SMAD6: variants seen among roughly 807,000 people sequenced by gnomAD.
SMAD6 encodes the protein MAD homolog 6.
SMAD6 carries 103 observed loss-of-function variants against 39.4 expected under a neutral mutation model. The ratio of observed to expected loss-of-function variants is 2.62; its 90% confidence interval spans 2.23 to 3.08. The LOEUF is 3.08. SMAD6 is among the 30% of genes most tolerant of loss of function. The pLI, the probability that SMAD6 is intolerant of heterozygous loss-of-function variation, is 0.00. For missense variants in SMAD6, 1,104 were observed against 742.9 expected, an observed-to-expected ratio of 1.49 and a Z score of -5.65; for synonymous variants, 445 against 353.3, an observed-to-expected ratio of 1.26 and a Z score of -2.91.
At chr15:66,709,816 G>A (rs1295899170) in intron 1 of SMAD6, among the ~76,000 whole-genome samples, 1 of 152,186 alleles carries the variant, frequency 6.6e-6, no homozygotes, top group African/African-American at 2.4e-5. Context: ...CTCTTTTCCT[G>A]TGGAACTCCA....
rs1894577035 is a variant in SMAD6 at position 66,781,522 on chromosome 15, A to G, written c.1478A>G (p.Asn493Ser). ...CCCTGCTGGCTGGAGATCCTCCTCA[A>G]CAACCCCAGATAGTGGCGGCCCCGG... ...SCPCWLEILL[N>S]NPR Residue 493 changes from asparagine to serine, a missense_variant, in exon 4 of 4, where the codon AAC becomes AGC. Transcript: ENST00000288840. 7.0e-7 allele frequency: 1 copy of G among 1,435,150 alleles called. No individual in the cohort carries two copies. Among genetic ancestry groups the G allele is most frequent in the South Asian group, 1.2e-5 (1 of 83,590 alleles). The allele number at this position is 1,435,150 out of a possible 1,614,324, so 88.9% of individuals were successfully genotyped here.
chr15:66,716,870 C>G, intron 3 of SMAD6: 1 of 669,994 alleles, frequency 1.5e-6, no homozygotes, highest in South Asian at 1.7e-5. Flanking sequence ...TTGTCTTCCT[C>G]CTGTCCTCAC....
Position 66,703,621 on chromosome 15 carries a change from C to A in SMAD6, c.363C>A (p.Cys121Ter), listed in dbSNP as rs1259610693. 4.1e-6 allele frequency: 5 copies of A among 1,230,806 alleles called. No homozygotes were observed. The highest frequency in any genetic ancestry group is 3.3e-5 in the East Asian group (1 of 30,134). 76.2% of individuals were successfully genotyped at this position (1,230,806 alleles called of 1,614,324 possible). A position where few individuals can be genotyped will look rare whatever the true frequency, so the allele number is the denominator to read the frequency against. ...CGGGCTGGCTGCCCGAGAGTGACTG[C>A]GAGACGGTGACCTGCTGTCTCTTTT... ...GGPGWLPESD[C>*]ETVTCCLFSE... The change falls in exon 1 of 4, where the codon TGC becomes TGA. Residue 121 changes from cysteine to a stop codon, truncating the protein, a stop_gained. Transcript: ENST00000288840. LOFTEE classifies it high-confidence loss of function.
chr15:66,703,938 G>GCCGCCTCTTTCGCTGGCCCGA lies in SMAD6; in HGVS notation c.683_703dup (p.Arg228_Asp234dup). The GCCGCCTCTTTCGCTGGCCCGA allele has an allele frequency of 7.2e-7, 1 of 1,379,924 alleles. No homozygotes were observed. The highest frequency in any genetic ancestry group is 9.4e-7 in the Non-Finnish European group (1 of 1,064,912). 85.5% of individuals were successfully genotyped at this position (1,379,924 alleles called of 1,614,324 possible). On this transcript the variant is annotated inframe_insertion, in exon 1 of 4. Transcript: ENST00000288840. ...CCCGCGCCGCCGCAGCTGCTGCTCG[G>GCCGCCTCTTTCGCTGGCCCGA]CCGCCTCTTTCGCTGGCCCGACCTG...
Position 66,703,161 on chromosome 15 carries a change from T to TG in SMAD6, c.-94dup. 1 of 889,794 alleles carries TG rather than the reference T, an allele frequency of 1.1e-6. No individual in the cohort carries two copies. Among genetic ancestry groups the TG allele is most frequent in the Non-Finnish European group, 1.5e-6 (1 of 647,170 alleles). 55.1% of individuals were successfully genotyped at this position (889,794 alleles called of 1,614,324 possible). A position where few individuals can be genotyped will look rare whatever the true frequency, so the allele number is the denominator to read the frequency against. Reference sequence around the variant, plus strand: ...CGGCGCTCCGCGGCGGAGCTTCATGTGGGGCTGCGACCCGCGCAGCCGGCG... The same window carrying TG: ...CGGCGCTCCGCGGCGGAGCTTCATGTGGGGGCTGCGACCCGCGCAGCCGGCG... On this transcript the variant is annotated 5_prime_UTR_variant, in exon 1 of 4. The change abolishes the stop of an existing upstream ORF in the 5' untranslated region. Coordinates refer to ENST00000288840, the MANE Select transcript of SMAD6 (RefSeq NM_005585.5).
At chr15:66,707,265 T>G (rs1474433894) in intron 1 of SMAD6, 1 of 149,448 alleles carries the variant, frequency 6.7e-6, no homozygotes, top group South Asian at 2.1e-4. Context: ...TCTCCTGCTC[T>G]TTGCTTCCCC....
intron 3 of SMAD6, among the ~76,000 whole-genome samples, chr15:66,748,970 G>A (rs1476136611): frequency 2.6e-5 from 4 of 152,106 alleles, no homozygotes; most frequent in Non-Finnish European, 5.9e-5. Context: ...ACACATGCCC[G>A]GTGCCCAGTC....
intron 3 of SMAD6, among the ~76,000 whole-genome samples, chr15:66,766,060 C>T (rs1346477844): frequency 1.3e-5 from 2 of 152,148 alleles, no homozygotes; most frequent in East Asian, 1.9e-4. Context: ...TTTGACTTTG[C>T]CTGTGGCTAA....
rs772544843 is a variant in SMAD6 at position 66,711,745 on chromosome 15, A to G, written c.874+21A>G. The stretch of plus-strand genomic sequence containing the variant: ...ACTGGGTAAGTGTGCCCTCCTTCCT[A>G]CCCTTGCAGAGGTGTGTCCCGAACT... On this transcript the variant is annotated intron_variant, in intron 2 of 3. Coordinates refer to ENST00000288840, the MANE Select transcript of SMAD6 (RefSeq NM_005585.5). The G allele has an allele frequency of 1.9e-6, 3 of 1,600,014 alleles. No homozygotes were observed. In the East Asian group the frequency reaches 6.7e-5, roughly 36 times the overall value.
At chr15:66,759,031 A>G (rs886799505) in intron 3 of SMAD6, among the ~76,000 whole-genome samples, 3 of 152,218 alleles carry the variant, frequency 2.0e-5, no homozygotes, top group Non-Finnish European at 4.4e-5. Flanking sequence ...CAACAATTCA[A>G]CTCTGCCACT....
chr15:66,719,654 T>G (rs1157467317), intron 3 of SMAD6, among the ~76,000 whole-genome samples: 1 of 152,168 alleles, frequency 6.6e-6, no homozygotes, highest in Non-Finnish European at 1.5e-5. Context: ...TGGTCTCTGC[T>G]TTACTTCCCT....
intron 1 of SMAD6, among the ~76,000 whole-genome samples, chr15:66,709,818 G>A (rs1428743511): frequency 1.3e-5 from 2 of 152,148 alleles, no homozygotes; most frequent in Non-Finnish European, 2.9e-5. Context: ...CTTTTCCTGT[G>A]GAACTCCAGC....
At chr15:66,704,131 G>A in intron 1 of SMAD6, 56 bp downstream of exon 1, 2 of 1,288,552 alleles carry the variant, frequency 1.6e-6, no homozygotes, top group Admixed American at 3.7e-5. Context: ...ATCCCCTTCC[G>A]TGCCCTTCTC....
chr15:66,731,290 T>A (rs1292553624), intron 3 of SMAD6, among the ~76,000 whole-genome samples: 3 of 151,228 alleles, frequency 2.0e-5, no homozygotes, highest in Non-Finnish European at 4.4e-5. Context: ...TACAAAAAAT[T>A]AGCCGGGCGT....
At position 66,703,960 on chromosome 15, in the gene SMAD6, C is replaced by T. The variant is rs779292711; in HGVS notation, c.702C>T (p.Asp234=). The T allele has an allele frequency of 2.6e-5, 38 of 1,438,938 alleles. No individual in the cohort carries two copies. The highest frequency in any genetic ancestry group is 1.5e-4 in the Admixed American group (6 of 39,540). 89.1% of individuals were successfully genotyped at this position (1,438,938 alleles called of 1,614,324 possible). The change falls in exon 1 of 4, where the codon GAC becomes GAT. Residue 234 remains aspartate (D), a synonymous_variant. Transcript: ENST00000288840. The part of the protein sequence containing the change: ...LLLGRLFRWP[D]LQHAVELKPL... ...TCGGCCGCCTCTTTCGCTGGCCCGACCTGCAGCACGCCGTGGAGCTGAAGC... is the reference window on the plus strand; with the variant it reads ...TCGGCCGCCTCTTTCGCTGGCCCGATCTGCAGCACGCCGTGGAGCTGAAGC...
rs774738219 is a variant in SMAD6 at position 66,744,223 on chromosome 15, C to T, written c.952+27725C>T. ...CAGAAAGAGTCGAAAAAACAAAAAC[C>T]GCGGCTCTGGGAGCGACTTCCTGCC... is the stretch of plus-strand genomic sequence containing the variant. On this transcript the variant is annotated intron_variant, in intron 3 of 3. Coordinates refer to ENST00000288840, the MANE Select transcript of SMAD6 (RefSeq NM_005585.5). Among the ~76,000 whole-genome samples the T allele has an allele frequency of 7.9e-5, 12 of 152,152 alleles. 1 individual carries two copies. The highest frequency in any genetic ancestry group is 4.1e-4 in the South Asian group (2 of 4,830).
chr15:66,773,245 G>A (rs1395196380), intron 3 of SMAD6, among the ~76,000 whole-genome samples: 2 of 152,110 alleles, frequency 1.3e-5, no homozygotes, highest in African/African-American at 4.8e-5. Context: ...GCGAGTAAGA[G>A]GAAACTCCTG....
At chr15:66,727,333 C>T (rs1893540624) in intron 3 of SMAD6, among the ~76,000 whole-genome samples, 1 of 152,096 alleles carries the variant, frequency 6.6e-6, no homozygotes, top group Admixed American at 6.5e-5. Context: ...GAACTCCTGG[C>T]CTCAAGTGAT....
intron 3 of SMAD6, among the ~76,000 whole-genome samples, chr15:66,736,708 C>T (rs1180930471): frequency 6.6e-6 from 1 of 151,766 alleles, no homozygotes; most frequent in Non-Finnish European, 1.5e-5. Context: ...CGCTCTGGCA[C>T]CAGAGCGGAG....
Sources: gnomAD v4.1 joint callset for allele counts (sites outside exome capture counted in the v4.1 genomes callset) on GRCh38, gnomAD v4.1.1 for gene constraint, MANE v1.5 for transcripts, NCBI Gene and HGNC (gene_info 2026-07-23, HGNC 2026-07-21) for gene names.